The following GNAL variants were observed in gnomAD, a reference collection of about 807,000 sequenced individuals.
GNAL encodes guanine nucleotide-binding protein G(olf) subunit alpha.
A neutral mutation model predicts 55.1 loss-of-function variants in GNAL; 18 were observed. The ratio of observed to expected loss-of-function variants is 0.33; its 90% confidence interval spans 0.23 to 0.48. The LOEUF (loss-of-function observed/expected upper bound fraction) is 0.48. GNAL is among the 20% of genes least tolerant of loss of function. The pLI is 0.99. For missense variants in GNAL, 412 were observed against 614.1 expected, an observed-to-expected ratio of 0.67 and a Z score of 3.48; for synonymous variants, 253 against 237.0, an observed-to-expected ratio of 1.07 and a Z score of -0.62.
Position 11,873,198 on chromosome 18 carries a change from G to A in GNAL, c.1162+800G>A, listed in dbSNP as rs922367155. 7.2e-5 allele frequency among the ~76,000 whole-genome samples: 11 copies of A among 152,284 alleles called. 1 individual carries two copies. The South Asian group carries it at 1.5e-3, about 20-fold the overall frequency. On this transcript the variant is annotated intron_variant, in intron 10 of 11. Coordinates refer to ENST00000334049, the MANE Select transcript of GNAL (RefSeq NM_182978.4). ...CCAAACTAGAAAACGCAGAATAAAA[G>A]ACACTTTCCTGGAAAATATAGTTAA... is the stretch of plus-strand genomic sequence containing the variant.
intron 1 of GNAL, among the ~76,000 whole-genome samples, chr18:11,737,899 C>G (rs2032493410): frequency 6.6e-6 from 1 of 152,224 alleles, no homozygotes; most frequent in African/African-American, 2.4e-5. Flanking sequence ...ACCTCCTCCC[C>G]TCACCCTGCC....
At chr18:11,727,622 A>C (rs2032243408) in intron 1 of GNAL, among the ~76,000 whole-genome samples, 1 of 152,222 alleles carries the variant, frequency 6.6e-6, no homozygotes, top group Admixed American at 6.5e-5. Context: ...CCAATTGTAT[A>C]AGGATATTGT....
At chr18:11,879,915 G>T (rs1390763676) in intron 11 of GNAL, among the ~76,000 whole-genome samples, 1 of 152,188 alleles carries the variant, frequency 6.6e-6, no homozygotes, top group African/African-American at 2.4e-5. Context: ...GCCGCCACCG[G>T]GCCGCTGCAC....
At chr18:11,754,991 AGT>A (rs1170620927) in intron 4 of GNAL, among the ~76,000 whole-genome samples, 1 of 112,794 alleles carries the variant, frequency 8.9e-6, no homozygotes, top group African/African-American at 3.5e-5. Flanking sequence ...ACCAGAAGTG[AGT>A]GTGTATGTGT....
At position 11,852,036 on chromosome 18, in the gene GNAL, C is replaced by T. The variant is rs781063506; in HGVS notation, c.723-10359C>T. 7 of 1,613,760 alleles carry T rather than the reference C, an allele frequency of 4.3e-6. No homozygotes were observed. In the South Asian group the frequency reaches 7.7e-5, roughly 18 times the overall value. ...AGCTGCCGCAGGGCCAGACCGGCTC[C>T]GTGGGCACGAGCGTGGCTTCGGCGG... On this transcript the variant is annotated intron_variant, in intron 5 of 11. Transcript: ENST00000334049.
intron 1 of GNAL, among the ~76,000 whole-genome samples, chr18:11,750,369 A>ATGGGC (rs2032788157): frequency 6.6e-6 from 1 of 152,046 alleles, no homozygotes; most frequent in African/African-American, 2.4e-5. Flanking sequence ...GGTCAGCAGG[A>ATGGGC]TGGGCTGGGC....
chr18:11,771,867 A>C (rs947060418), intron 4 of GNAL, among the ~76,000 whole-genome samples: 11 of 152,092 alleles, frequency 7.2e-5, no homozygotes, highest in African/African-American at 2.7e-4. Flanking sequence ...GGTGTGTGAC[A>C]CCATGCCTGG....
Position 11,851,532 on chromosome 18 carries a change from C to G in GNAL, c.723-10863C>G, listed in dbSNP as rs376388065. ...CGACTATGTCTAACATGGAGAAACACCTGTTCAACCTGAAGTTCGCGGCCA... is the reference window on the plus strand; with the variant it reads ...CGACTATGTCTAACATGGAGAAACAGCTGTTCAACCTGAAGTTCGCGGCCA... On this transcript the variant is annotated intron_variant, in intron 5 of 11. Transcript: ENST00000334049. The G allele has an allele frequency of 7.4e-5, 118 of 1,600,354 alleles. 1 individual carries two copies. The highest frequency in any genetic ancestry group is 9.6e-5 in the Non-Finnish European group (113 of 1,174,304).
chr18:11,700,328 C>T (rs2031535862), intron 1 of GNAL, among the ~76,000 whole-genome samples: 2 of 152,222 alleles, frequency 1.3e-5, no homozygotes, highest in African/African-American at 4.8e-5. Context: ...AAATTATTCT[C>T]AGCAAATAAA....
chr18:11,795,749 A>G (rs997009945), intron 4 of GNAL, among the ~76,000 whole-genome samples: 13 of 152,216 alleles, frequency 8.5e-5, no homozygotes, highest in Middle Eastern at 3.2e-3. Context: ...CTCTGCTGCC[A>G]TCCAGGCCTC....
chr18:11,864,342 C>G (rs903898136), intron 6 of GNAL, among the ~76,000 whole-genome samples, 191 bp from the exon 7 acceptor site: 2 of 152,150 alleles, frequency 1.3e-5, no homozygotes, highest in Non-Finnish European at 2.9e-5. Context: ...ATCTGCCCAC[C>G]TCAGCCTCCC....
rs527520940 is a variant in GNAL, at chr18:11,832,964, T to C, written c.722+7949T>C. Among the ~76,000 whole-genome samples, 20 of 152,270 alleles carry C rather than the reference T, an allele frequency of 1.3e-4. No individual in the cohort carries two copies. In the South Asian group the frequency reaches 2.1e-3, roughly 16 times the overall value. On this transcript the variant is annotated intron_variant, in intron 5 of 11. Transcript: ENST00000334049. ...TATATACTGTTGAACTTATTAAATATATAGCAGCCACCTAGATGCATGTAC... is the reference window on the plus strand; with the variant it reads ...TATATACTGTTGAACTTATTAAATACATAGCAGCCACCTAGATGCATGTAC...
intron 1 of GNAL, among the ~76,000 whole-genome samples, chr18:11,719,730 C>T (rs2032050125): frequency 6.6e-6 from 1 of 152,200 alleles, no homozygotes; most frequent in African/African-American, 2.4e-5. Context: ...CGGAAGCAGG[C>T]TGTCATGGAC....
chr18:11,806,622 C>T (rs1373585815), intron 4 of GNAL, among the ~76,000 whole-genome samples: 1 of 152,096 alleles, frequency 6.6e-6, no homozygotes, highest in African/African-American at 2.4e-5. Context: ...GGCCCATTAA[C>T]TGTCCTTCCA....
At chr18:11,753,605 A>G (rs1362441539) in intron 2 of GNAL, 23 bp from the exon 3 acceptor site, 3 of 1,465,000 alleles carry the variant, frequency 2.0e-6, no homozygotes, top group East Asian at 4.5e-5. Flanking sequence ...AATTAAGCTA[A>G]TAACAACTCT....
At chr18:11,837,674 A>C (rs1598418000) in intron 5 of GNAL, among the ~76,000 whole-genome samples, 1 of 152,222 alleles carries the variant, frequency 6.6e-6, no homozygotes, top group African/African-American at 2.4e-5. Flanking sequence ...TGGGAATGTA[A>C]AATAGTCCAG....
intron 4 of GNAL, among the ~76,000 whole-genome samples, chr18:11,799,746 C>T (rs1232957138): frequency 6.6e-6 from 1 of 152,150 alleles, no homozygotes; most frequent in Non-Finnish European, 1.5e-5. Flanking sequence ...TCAGCCTGTA[C>T]TACTTTTGCA....
At chr18:11,716,365 T>C (rs2031966445) in intron 1 of GNAL, among the ~76,000 whole-genome samples, 1 of 152,126 alleles carries the variant, frequency 6.6e-6, no homozygotes, top group African/African-American at 2.4e-5. Flanking sequence ...GGAGTGAAGC[T>C]GCAGACCTTC....
intron 4 of GNAL, among the ~76,000 whole-genome samples, chr18:11,790,373 C>T (rs1336411478): frequency 1.3e-5 from 2 of 152,072 alleles, no homozygotes; most frequent in African/African-American, 2.4e-5. Flanking sequence ...CTCACGATTC[C>T]CCCAGCTTCC....
Sources: allele counts gnomAD v4.1 joint callset (sites outside exome capture counted in the v4.1 genomes callset), GRCh38; gene constraint gnomAD v4.1.1; transcripts MANE v1.5; gene names NCBI Gene and HGNC (gene_info 2026-07-23, HGNC 2026-07-21).